Variants in UBR4 observed in about 807,000 individuals in gnomAD.
UBR4 encodes E3 ubiquitin-protein ligase UBR4.
A neutral mutation model predicts 575.6 loss-of-function variants in UBR4; 124 were observed. That is an observed-to-expected ratio of 0.22 (90% CI 0.19 to 0.25). The LOEUF is 0.25. Among genes scored for constraint, UBR4 ranks in the 10% least tolerant of loss-of-function variants. The probability of loss-of-function intolerance (pLI) is 1.00; values close to 1 mark genes in which losing one functional copy is unlikely to be tolerated. For missense variants in UBR4, 4,818 were observed against 6,478.8 expected, an observed-to-expected ratio of 0.74 and a Z score of 8.80; for synonymous variants, 2,455 against 2,473.7, an observed-to-expected ratio of 0.99 and a Z score of 0.22.
intron 51 of UBR4, 85 bp from the exon 52 acceptor site, chr1:19,147,085 C>T (rs2084973104): frequency 7.0e-7 from 1 of 1,438,846 alleles, no homozygotes; most frequent in African/African-American, 1.4e-5. Context: ...TGGCAGATCA[C>T]CAGGATTATT....
At position 19,115,524 on chromosome 1, in the gene UBR4, T is replaced by A; in HGVS notation, c.10937A>T (p.Asp3646Val). ...GGAGGCCTGGTAGTTTTCATAGAAG[T>A]CTGCAAACTCAATCATCAGATTGGA... ...VASNLMIEFADFYENYQASTE... is the reference protein window; with the variant it reads ...VASNLMIEFAVFYENYQASTE... The change falls in exon 74 of 106, where the codon GAC (aspartate) becomes GTC (valine). Residue 3646 changes from aspartate (D) to valine (V), a missense_variant. Physicochemically the swap from Asp to Val is radical, Grantham distance 152. Coordinates refer to ENST00000375254, the MANE Select transcript of UBR4 (RefSeq NM_020765.3). 1 of 1,614,178 alleles carries A rather than the reference T, an allele frequency of 6.2e-7. No individual in the cohort carries two copies. The highest frequency in any genetic ancestry group is 2.2e-5 in the East Asian group (1 of 44,880).
At chr1:19,105,635 T>TA in intron 84 of UBR4, 98 bp downstream of exon 84, 1 of 898,548 alleles carries the variant, frequency 1.1e-6, no homozygotes, top group South Asian at 2.1e-5. Flanking sequence ...TACCCAGAGG[T>TA]GTGCCTCTCA....
chr1:19,095,938 G>A, intron 92 of UBR4: 2 of 343,314 alleles, frequency 5.8e-6, no homozygotes, highest in South Asian at 3.4e-5. Context: ...GTTGTCTTGG[G>A]GGAAATCCCA....
rs2092607585 is a variant in UBR4, at chr1:19,198,903, C to A, written c.404G>T (p.Gly135Val). Residue 135 changes from glycine (G) to valine (V), a missense_variant, in exon 4 of 106, where the codon GGC (glycine) becomes GTC (valine). Gly to Val is a moderately radical substitution (Grantham distance 109, BLOSUM62 -3). Transcript: ENST00000375254. ...TAGTCGGCTACAGCCAGTGCACAGG[C>A]CCTTGATTAGGAGAATCAAGTGTTT... ...SQKHLILLIKGLCTGCSRLDR... is the reference protein window; with the variant it reads ...SQKHLILLIKVLCTGCSRLDR... The A allele has an allele frequency of 2.5e-6, 4 of 1,614,042 alleles. No individual in the cohort carries two copies. The highest frequency in any genetic ancestry group is 2.5e-6 in the Non-Finnish European group (3 of 1,180,008).
intron 22 of UBR4, 54 bp from the exon 23 acceptor site, chr1:19,173,675 C>T: frequency 6.5e-7 from 1 of 1,546,980 alleles, no homozygotes; most frequent in South Asian, 1.1e-5. Flanking sequence ...CTCAAGATCT[C>T]CCTCACAGTA....
chr1:19,102,817 CT>C lies in UBR4; in HGVS notation c.12902-1177del. Among the ~76,000 whole-genome samples the C allele has an allele frequency of 2.6e-5, 4 of 152,328 alleles. 1 individual carries two copies. Among genetic ancestry groups the C allele is most frequent in the Admixed American group, 2.6e-4 (4 of 15,302 alleles). ...ATCTAGTACCCCAAAGAGCTACACC[CT>C]TGGTGCAGAGATCAGCTATCCCTTT... On this transcript the variant is annotated intron_variant, in intron 87 of 105. Transcript: ENST00000375254.
At chr1:19,190,312 A>AAAAAAAAAAAAAAAAAAATAT in intron 11 of UBR4, among the ~76,000 whole-genome samples, 6 of 79,912 alleles carry the variant, frequency 7.5e-5, no homozygotes, top group African/African-American at 3.2e-4. Flanking sequence ...AAAAAAAAAA[A>AAAAAAAAAAAAAAAAAAATAT]ATATATATAT....
intron 55 of UBR4, among the ~76,000 whole-genome samples, chr1:19,142,888 G>A (rs557299761): frequency 2.6e-5 from 4 of 152,166 alleles, no homozygotes; most frequent in Admixed American, 6.5e-5. Context: ...TTGGGAGGCC[G>A]AGGCGGGCGG....
chr1:19,131,349 G>A (rs755623756), intron 60 of UBR4, among the ~76,000 whole-genome samples: 40 of 148,306 alleles, frequency 2.7e-4, no homozygotes, highest in Non-Finnish European at 5.2e-4. Flanking sequence ...AATAATTCAT[G>A]TTTCAACCAA....
At chr1:19,121,505 T>C in intron 67 of UBR4, 71 bp from the exon 68 acceptor site, 11 of 1,548,278 alleles carry the variant, frequency 7.1e-6, no homozygotes, top group Non-Finnish European at 8.7e-6. Flanking sequence ...CAAAACAACG[T>C]CTCCCTACAG....
chr1:19,169,619 G>A lies in UBR4; in HGVS notation c.3644-87C>T, dbSNP rs1007475668. 3.8e-6 allele frequency: 4 copies of A among 1,058,926 alleles called. No individual in the cohort carries two copies. In the African/African-American group the frequency reaches 4.8e-5, roughly 13 times the overall value. 65.6% of individuals were successfully genotyped at this position (1,058,926 alleles called of 1,614,324 possible). A position where few individuals can be genotyped will look rare whatever the true frequency, so the allele number is the denominator to read the frequency against. On this transcript the variant is annotated intron_variant, in intron 26 of 105. Coordinates refer to ENST00000375254, the MANE Select transcript of UBR4 (RefSeq NM_020765.3). ...TAAAAGCCAAGCCCAAATGCAGAAA[G>A]AAACAGTACAGCCCAGGCTGTCAAA...
intron 48 of UBR4, 97 bp from the exon 49 acceptor site, chr1:19,150,890 C>G (rs2085588792): frequency 1.6e-6 from 2 of 1,218,536 alleles, no homozygotes; most frequent in Non-Finnish European, 2.3e-6. Context: ...AAGTAAATCA[C>G]GTCAATTTTA....
At chr1:19,154,816 T>A in intron 44 of UBR4, 102 bp downstream of exon 44, 1 of 1,515,896 alleles carries the variant, frequency 6.6e-7, no homozygotes, top group Non-Finnish European at 9.0e-7. Context: ...CTGGAGAAAA[T>A]TAAGTTTCAC....
At chr1:19,121,469 A>T (rs1263621026) in intron 67 of UBR4, 35 bp from the exon 68 acceptor site, 1 of 1,597,176 alleles carries the variant, frequency 6.3e-7, no homozygotes, top group African/African-American at 1.3e-5. Flanking sequence ...CACCTCTGAG[A>T]CGACCTCAAC....
Position 19,122,928 on chromosome 1 carries a change from T to G in UBR4, c.9721A>C (p.Lys3241Gln). ...HTLDSHVRGI[K>Q]KLLEEQGIFL... is the part of the protein sequence containing the mutation. ...ATCCCCTGCTCTTCTAGCAGCTTCT[T>G]GATCCCACGCACGTGAGAGTCCAGG... Residue 3241 changes from lysine (K) to glutamine (Q), a missense_variant, in exon 66 of 106, where the codon AAG becomes CAG. Transcript: ENST00000375254. 1 of 1,614,240 alleles carries G rather than the reference T, an allele frequency of 6.2e-7. No individual in the cohort carries two copies. Among genetic ancestry groups the G allele is most frequent in the Non-Finnish European group, 8.5e-7 (1 of 1,180,040 alleles).
In UBR4 at chr1:19,187,492, G is replaced by C. The variant is rs372850320; in HGVS notation, c.1443C>G (p.Ile481Met). The C allele has an allele frequency of 1.2e-6, 2 of 1,613,790 alleles. No homozygotes were observed. Among genetic ancestry groups the C allele is most frequent in the African/African-American group, 2.7e-5 (2 of 74,906 alleles). ...VLSVILANHA[I>M]KLLTSLFQDL... The stretch of plus-strand genomic sequence containing the variant: ...CTTGAAAGAGAGACGTTAGCAGTTT[G>C]ATGGCATGGTTTGCCAATATTACTG... Residue 481 changes from isoleucine to methionine, a missense_variant, in exon 12 of 106, where the codon ATC becomes ATG. Transcript: ENST00000375254.
intron 52 of UBR4, chr1:19,146,191 G>T: frequency 8.6e-7 from 1 of 1,158,892 alleles, no homozygotes; most frequent in Non-Finnish European, 1.2e-6. Context: ...CAGATTCAAA[G>T]ATCTCAGTTC....
At chr1:19,119,746 T>C (rs2080970979) in intron 69 of UBR4, 45 bp from the exon 70 acceptor site, 1 of 1,581,156 alleles carries the variant, frequency 6.3e-7, no homozygotes, top group African/African-American at 1.3e-5. Flanking sequence ...CAGAAAACCC[T>C]GAGGCACCTG....
Position 19,092,921 on chromosome 1 carries a change from G to A in UBR4, c.14112-3C>T, listed in dbSNP as rs2077665026. The A allele has an allele frequency of 7.4e-6, 12 of 1,612,220 alleles. No individual in the cohort carries two copies. Among genetic ancestry groups the A allele is most frequent in the African/African-American group, 2.7e-5 (2 of 74,914 alleles). ...TTTTCCAGATGTCGGCATCCAAACT[G>A]CAAAGCAAAGGAAGGCTTATTAGCA... is the stretch of plus-strand genomic sequence containing the variant. On this transcript the variant is annotated splice_polypyrimidine_tract_variant and splice_region_variant and intron_variant, in intron 96 of 105. Coordinates refer to ENST00000375254, the MANE Select transcript of UBR4 (RefSeq NM_020765.3).
Sources: gnomAD v4.1 joint callset for allele counts (sites outside exome capture counted in the v4.1 genomes callset) on GRCh38, gnomAD v4.1.1 for gene constraint, MANE v1.5 for transcripts, NCBI Gene and HGNC (gene_info 2026-07-23, HGNC 2026-07-21) for gene names.